The following NARS2 variants were observed in gnomAD, a reference collection of about 807,000 sequenced individuals.
NARS2 encodes the protein asparaginyl-tRNA synthetase 2, mitochondrial.
Under a neutral mutation model 62.9 loss-of-function variants are expected in NARS2, and 60 were observed. The ratio of observed to expected loss-of-function variants is 0.95; its 90% confidence interval spans 0.77 to 1.18. NARS2 has a LOEUF of 1.18. NARS2 is among the 50% of genes most tolerant of loss of function. The probability of loss-of-function intolerance (pLI) is 0.00; values close to 1 mark genes in which losing one functional copy is unlikely to be tolerated. For synonymous variants in NARS2, 196 were observed against 200.0 expected (o/e 0.98, Z 0.17); for missense variants, 619 against 576.4 (o/e 1.07, Z -0.76).
At chr11:78,449,183 T>A (rs1055527705) in intron 11 of NARS2, among the ~76,000 whole-genome samples, 3 of 143,056 alleles carry the variant, frequency 2.1e-5, no homozygotes, top group Non-Finnish European at 4.5e-5. Flanking sequence ...TCACCCAGGC[T>A]GGAGTGCAGT....
At chr11:78,484,620 A>G (rs1859496130) in intron 7 of NARS2, among the ~76,000 whole-genome samples, 1 of 152,212 alleles carries the variant, frequency 6.6e-6, no homozygotes, top group Admixed American at 6.5e-5. Context: ...GCAGCCAACA[A>G]ACATACGAAA....
At chr11:78,518,498 G>C (rs1565253622) in intron 6 of NARS2, among the ~76,000 whole-genome samples, 1 of 152,026 alleles carries the variant, frequency 6.6e-6, no homozygotes, top group East Asian at 1.9e-4. Context: ...CTACAAAATG[G>C]CTAAATGTTA....
At chr11:78,537,736 G>A (rs1227683741) in intron 5 of NARS2, among the ~76,000 whole-genome samples, 1 of 152,182 alleles carries the variant, frequency 6.6e-6, no homozygotes, top group Non-Finnish European at 1.5e-5. Flanking sequence ...AGTTCAAGGC[G>A]GCAGCAAGCC....
chr11:78,441,060 G>C (rs1161552435), intron 13 of NARS2, 31 bp downstream of exon 13: 1 of 1,603,168 alleles, frequency 6.2e-7, no homozygotes, highest in Non-Finnish European at 8.5e-7. Flanking sequence ...CAAGCAGCTA[G>C]AGTAAGAATT....
intron 11 of NARS2, among the ~76,000 whole-genome samples, chr11:78,446,007 T>A (rs1205217727): frequency 6.6e-6 from 1 of 152,214 alleles, no homozygotes; most frequent in East Asian, 1.9e-4. Context: ...TTTTGTGACT[T>A]TCCTGTCTTT....
intron 6 of NARS2, among the ~76,000 whole-genome samples, chr11:78,494,477 T>TTTG (rs1478414172): frequency 6.7e-6 from 1 of 149,816 alleles, no homozygotes; most frequent in Admixed American, 6.6e-5. Context: ...TTCTTTTTTT[T>TTTG]TTTTTTTTTA....
chr11:78,543,361 C>T (rs1048657359), intron 5 of NARS2, among the ~76,000 whole-genome samples: 1 of 152,106 alleles, frequency 6.6e-6, no homozygotes, highest in African/African-American at 2.4e-5. Context: ...TAATTTCCAA[C>T]AAAAACCAAT....
At chr11:78,515,506 C>T (rs191828397) in intron 6 of NARS2, among the ~76,000 whole-genome samples, 2 of 152,080 alleles carry the variant, frequency 1.3e-5, no homozygotes, top group African/African-American at 4.8e-5. Flanking sequence ...ATAGTAAAAA[C>T]GACTGAATTG....
At chr11:78,466,760 T>C (rs1258339826) in intron 10 of NARS2, among the ~76,000 whole-genome samples, 1 of 152,178 alleles carries the variant, frequency 6.6e-6, no homozygotes, top group Non-Finnish European at 1.5e-5. Context: ...GGATTACAGG[T>C]GTGAGCCACA....
intron 11 of NARS2, among the ~76,000 whole-genome samples, chr11:78,457,722 T>G (rs1270601179): frequency 6.6e-6 from 1 of 152,098 alleles, no homozygotes; most frequent in East Asian, 1.9e-4. Flanking sequence ...TTCCCAGTAC[T>G]GTTGAAGGTA....
chr11:78,466,076 C>T (rs930955747), intron 10 of NARS2, 63 bp from the exon 11 acceptor site: 5 of 1,493,294 alleles, frequency 3.3e-6, no homozygotes, highest in Non-Finnish European at 4.5e-6. Flanking sequence ...AATTAAGCAG[C>T]TGAAAATAAC....
chr11:78,451,908 G>A (rs2135166069), intron 11 of NARS2, among the ~76,000 whole-genome samples: 1 of 152,166 alleles, frequency 6.6e-6, no homozygotes, highest in Admixed American at 6.5e-5. Context: ...CTGCCCATTT[G>A]GCTGTTGCAT....
At chr11:78,456,689 G>A (rs952505111) in intron 11 of NARS2, among the ~76,000 whole-genome samples, 1 of 152,120 alleles carries the variant, frequency 6.6e-6, no homozygotes, top group Non-Finnish European at 1.5e-5. Context: ...AACACTACCT[G>A]GTGATTGTGG....
chr11:78,542,429 A>G (rs1011695630), intron 5 of NARS2, among the ~76,000 whole-genome samples: 1 of 152,220 alleles, frequency 6.6e-6, no homozygotes, highest in Non-Finnish European at 1.5e-5. Flanking sequence ...AAAATGAACC[A>G]AACTTTTTTT....
intron 1 of NARS2, 99 bp downstream of exon 1, chr11:78,574,249 G>C: frequency 6.7e-7 from 1 of 1,482,702 alleles, no homozygotes; most frequent in Non-Finnish European, 9.4e-7. Context: ...TTCCCTGCTG[G>C]CGGTTGTGTC....
chr11:78,529,682 G>A (rs962642192), intron 5 of NARS2, among the ~76,000 whole-genome samples: 2 of 152,176 alleles, frequency 1.3e-5, no homozygotes, highest in African/African-American at 4.8e-5. Context: ...TTCTGGGGAA[G>A]AAAGTTACAC....
At chr11:78,526,423 A>C (rs1861295187) in intron 6 of NARS2, among the ~76,000 whole-genome samples, 2 of 152,114 alleles carry the variant, frequency 1.3e-5, no homozygotes, top group African/African-American at 4.8e-5. Context: ...AGATTGCATA[A>C]ATCTTTTGCC....
At chr11:78,477,314 A>G (rs543253080) in intron 9 of NARS2, among the ~76,000 whole-genome samples, 1 of 152,160 alleles carries the variant, frequency 6.6e-6, no homozygotes, top group Non-Finnish European at 1.5e-5. Flanking sequence ...TCTGAAAAGC[A>G]TCTCAATCTT....
At chr11:78,489,205 G>C (rs909505238) in intron 7 of NARS2, among the ~76,000 whole-genome samples, 1 of 152,068 alleles carries the variant, frequency 6.6e-6, no homozygotes, top group Non-Finnish European at 1.5e-5. Flanking sequence ...CAAGGAACTA[G>C]TAGCTAGAAT....
Sources: allele counts gnomAD v4.1 joint callset (sites outside exome capture counted in the v4.1 genomes callset), GRCh38; gene constraint gnomAD v4.1.1; transcripts MANE v1.5; gene names NCBI Gene and HGNC (gene_info 2026-07-23, HGNC 2026-07-21).